The following CDK2 variants were observed in gnomAD, a reference collection of about 807,000 sequenced individuals.
The protein encoded by CDK2 is cyclin dependent kinase 2.
A neutral mutation model predicts 35.0 loss-of-function variants in CDK2; 8 were observed. The observed-to-expected ratio is 0.23, with a 90% CI of 0.13 to 0.41. CDK2 has a LOEUF of 0.41. CDK2 is among the 10% of genes least tolerant of loss of function. The pLI is 1.00. For missense variants in CDK2, 201 were observed against 367.1 expected, an observed-to-expected ratio of 0.55 and a Z score of 3.70; for synonymous variants, 134 against 137.7, an observed-to-expected ratio of 0.97 and a Z score of 0.19.
At chr12:55,969,402 TG>T (rs1889417908) in intron 4 of CDK2, 72 bp from the exon 5 acceptor site, 1 of 739,886 alleles carries the variant, frequency 1.4e-6, no homozygotes, top group Admixed American at 2.3e-5. Flanking sequence ...AGCAGAGTAG[TG>T]TTGAGGAACT....
In CDK2 at chr12:55,969,755, T is replaced by C. The variant is rs1040376000; in HGVS notation, c.588+179T>C. 17 of 433,424 alleles carry C rather than the reference T, an allele frequency of 3.9e-5. No individual in the cohort carries two copies. The Middle Eastern group carries it at 1.8e-3, about 45-fold the overall frequency. 26.8% of individuals were successfully genotyped at this position (433,424 alleles called of 1,614,324 possible). A position where few individuals can be genotyped will look rare whatever the true frequency, so the allele number is the denominator to read the frequency against. ...ACTGTTGCCCTGATATCAACCACAG[T>C]GTTAGGATATCCTCAAACAGCCTTA... On this transcript the variant is annotated intron_variant, in intron 5 of 6. Transcript: ENST00000266970.
intron 1 of CDK2, chr12:55,967,587 T>C (rs2069399): frequency 0.015 from 7,585 of 502,582 alleles, 457 homozygotes; most frequent in African/African-American, 0.13. Flanking sequence ...TACTCCTGCA[T>C]TTTTTCCCCT....
rs1408730782 is a variant in CDK2, at chr12:55,966,960, TC to T, written c.-46del. ...AGCCAGGGTCCGCCTTCTGCAGGGTTCCCAGGCCCCCGCTCCAGGGCCGGGC... is the reference window on the plus strand; with the variant it reads ...AGCCAGGGTCCGCCTTCTGCAGGGTTCCAGGCCCCCGCTCCAGGGCCGGGC... On this transcript the variant is annotated 5_prime_UTR_variant, in exon 1 of 7. Coordinates refer to ENST00000266970, the MANE Select transcript of CDK2 (RefSeq NM_001798.5). 6.9e-7 allele frequency: 1 copy of T among 1,453,314 alleles called. No homozygotes were observed. Among genetic ancestry groups the T allele is most frequent in the African/African-American group, 1.4e-5 (1 of 71,754 alleles). The allele number at this position is 1,453,314 out of a possible 1,614,324, so 90.0% of individuals were successfully genotyped here.
chr12:55,970,562 A>G, intron 5 of CDK2: 1 of 695,772 alleles, frequency 1.4e-6, no homozygotes, highest in Non-Finnish European at 2.6e-6. Flanking sequence ...AATTGTCCGT[A>G]TTCCTCTCTC....
chr12:55,971,202 T>C lies in CDK2; in HGVS notation c.747T>C (p.Ser249=). 6.2e-7 allele frequency: 1 copy of C among 1,614,126 alleles called. No individual in the cohort carries two copies. The highest frequency in any genetic ancestry group is 8.5e-7 in the Non-Finnish European group (1 of 1,180,028). ...CCAAGTGGGCCCGGCAAGATTTTAG[T>C]AAAGTTGTACCTCCCCTGGATGAAG... The part of the protein sequence containing the change: ...SFPKWARQDF[S]KVVPPLDEDG... Residue 249 remains serine (S), a synonymous_variant, in exon 6 of 7, where the codon AGT becomes AGC. Transcript: ENST00000266970.
Sources: allele counts gnomAD v4.1 joint callset, GRCh38; gene constraint gnomAD v4.1.1; transcripts MANE v1.5; gene names NCBI Gene and HGNC (gene_info 2026-07-23, HGNC 2026-07-21).